The following MYT1L variants were observed in gnomAD, a reference collection of about 807,000 sequenced individuals.
The protein encoded by MYT1L is myelin transcription factor 1 like, also known as myelin transcription factor 1-like protein.
In MYT1L, 12 loss-of-function variants were observed where a neutral mutation model predicts 126.7. That is an observed-to-expected ratio of 0.09 (90% CI 0.06 to 0.15). MYT1L has a LOEUF of 0.15. MYT1L is among the 10% of genes least tolerant of loss of function. The probability of loss-of-function intolerance (pLI) is 1.00; values close to 1 mark genes in which losing one functional copy is unlikely to be tolerated. For synonymous variants in MYT1L, 541 were observed against 604.2 expected, an observed-to-expected ratio of 0.90 and a Z score of 1.53; for missense variants, 979 against 1,585.2, an observed-to-expected ratio of 0.62 and a Z score of 6.49.
intron 2 of MYT1L, among the ~76,000 whole-genome samples, chr2:2,183,958 A>T (rs770079394): frequency 6.9e-6 from 1 of 144,640 alleles, no homozygotes; most frequent in Non-Finnish European, 1.5e-5. Context: ...GAAGAAAGGG[A>T]GGGAGGGAAG....
chr2:1,836,616 G>A (rs2148347823), intron 21 of MYT1L, among the ~76,000 whole-genome samples: 1 of 149,164 alleles, frequency 6.7e-6, no homozygotes, highest in African/African-American at 2.5e-5. Context: ...GATCCCATCA[G>A]CTTGCATCAC....
intron 3 of MYT1L, among the ~76,000 whole-genome samples, chr2:2,129,243 C>T (rs987696608): frequency 6.6e-6 from 1 of 152,158 alleles, no homozygotes; most frequent in Non-Finnish European, 1.5e-5. Context: ...TCTAGTCTGT[C>T]TCCAGATAGG....
At chr2:1,905,021 C>T (rs2148975231) in intron 13 of MYT1L, among the ~76,000 whole-genome samples, 1 of 152,096 alleles carries the variant, frequency 6.6e-6, no homozygotes, top group South Asian at 2.1e-4. Flanking sequence ...TGGTCTCGAT[C>T]TCCTGACCTC....
chr2:2,014,757 C>T (rs1008651493), intron 4 of MYT1L, among the ~76,000 whole-genome samples: 8 of 152,188 alleles, frequency 5.3e-5, no homozygotes, highest in African/African-American at 1.4e-4. Context: ...AATGCTGGGG[C>T]GAGCAAGAGG....
At chr2:2,159,985 G>A (rs542881108) in intron 3 of MYT1L, among the ~76,000 whole-genome samples, 8 of 152,238 alleles carry the variant, frequency 5.3e-5, no homozygotes, top group East Asian at 1.9e-4. Context: ...GGTCTGTCAC[G>A]TAACAGCTGT....
intron 4 of MYT1L, among the ~76,000 whole-genome samples, chr2:2,027,812 T>G (rs1285328061): frequency 1.5e-5 from 2 of 133,462 alleles, no homozygotes; most frequent in Non-Finnish European, 3.2e-5. Flanking sequence ...CAGCCTGGCT[T>G]GATGTGGCGT....
intron 13 of MYT1L, 128 bp from the exon 14 acceptor site, chr2:1,903,422 C>A: frequency 1.4e-6 from 1 of 723,616 alleles, no homozygotes; most frequent in Non-Finnish European, 2.3e-6. Flanking sequence ...TGCACTAAAA[C>A]TACAACTTTT....
At chr2:1,933,122 C>T (rs1465356786) in intron 9 of MYT1L, among the ~76,000 whole-genome samples, 1 of 151,974 alleles carries the variant, frequency 6.6e-6, no homozygotes, top group Non-Finnish European at 1.5e-5. Flanking sequence ...AGTTCAAGGT[C>T]ATATGGCTAG....
At chr2:1,991,277 C>T (rs886627082) in intron 5 of MYT1L, among the ~76,000 whole-genome samples, 8 of 152,122 alleles carry the variant, frequency 5.3e-5, no homozygotes, top group Middle Eastern at 3.2e-3. Context: ...CCCCTGCCGC[C>T]GCCCCCTCTT....
chr2:1,806,636 C>G lies in MYT1L; in HGVS notation c.3172+2440G>C, dbSNP rs552753224. On this transcript the variant is annotated intron_variant, in intron 22 of 24. Coordinates refer to ENST00000647738, the MANE Select transcript of MYT1L (RefSeq NM_001303052.2). The surrounding 1 kb of genome is among the most constrained non-coding windows in gnomAD (Gnocchi z 4.9). The stretch of plus-strand genomic sequence containing the variant: ...TAGGAATGTCTAGTGCCCTCAATGC[C>G]GACTCAGGCCCACCGATGAAGAGAT... 1.1e-3 allele frequency among the ~76,000 whole-genome samples: 175 copies of G among 152,270 alleles called. 1 individual carries two copies. Among genetic ancestry groups the G allele is most frequent in the African/African-American group, 4.2e-3 (173 of 41,550 alleles).
chr2:2,037,725 C>G (rs2067027449), intron 4 of MYT1L, among the ~76,000 whole-genome samples: 1 of 151,298 alleles, frequency 6.6e-6, no homozygotes. Context: ...CACTTGCACT[C>G]CAGCCTGGGA....
intron 18 of MYT1L, among the ~76,000 whole-genome samples, chr2:1,882,940 T>C (rs2148807726): frequency 6.6e-6 from 1 of 152,316 alleles, no homozygotes; most frequent in South Asian, 2.1e-4. Context: ...GTTAAAAAGA[T>C]GTGTTAGATG....
In MYT1L at chr2:2,070,375, C is replaced by T. The variant is rs1185233676; in HGVS notation, c.-303-16252G>A. Among the ~76,000 whole-genome samples the T allele has an allele frequency of 2.0e-5, 3 of 152,330 alleles. No homozygotes were observed. The East Asian group carries it at 5.8e-4, about 29-fold the overall frequency. On this transcript the variant is annotated intron_variant, in intron 3 of 24. Transcript: ENST00000647738. ...TCTCACCCCACGTGGAGGCTCTGTG[C>T]TGTGGGGTCGCTCAGGGTGGGGGAA... is the stretch of plus-strand genomic sequence containing the variant.
intron 8 of MYT1L, among the ~76,000 whole-genome samples, chr2:1,978,636 C>A (rs1198048803): frequency 6.6e-6 from 1 of 152,176 alleles, no homozygotes; most frequent in Non-Finnish European, 1.5e-5. Flanking sequence ...GTTCCAAAGT[C>A]TTGCAAGCTT....
intron 2 of MYT1L, among the ~76,000 whole-genome samples, chr2:2,237,917 C>CT (rs1461587430): frequency 6.6e-6 from 1 of 152,170 alleles, no homozygotes; most frequent in Non-Finnish European, 1.5e-5. Flanking sequence ...CACCTTGGTA[C>CT]TTGCATAAGG....
intron 4 of MYT1L, among the ~76,000 whole-genome samples, chr2:2,043,217 T>G (rs1370085972): frequency 6.6e-6 from 1 of 152,212 alleles, no homozygotes; most frequent in East Asian, 1.9e-4. Context: ...TGAGGACTCT[T>G]GAGCCCTCAA....
At chr2:2,127,456 A>AT (rs2081862136) in intron 3 of MYT1L, among the ~76,000 whole-genome samples, 2 of 152,168 alleles carry the variant, frequency 1.3e-5, no homozygotes, top group African/African-American at 2.4e-5. Flanking sequence ...CCTAATGTTA[A>AT]TTTTGTAACT....
intron 2 of MYT1L, among the ~76,000 whole-genome samples, chr2:2,206,805 T>C (rs553061487): frequency 2.0e-5 from 3 of 152,322 alleles, no homozygotes; most frequent in South Asian, 4.2e-4. Flanking sequence ...TATAGACCAG[T>C]GTCTTTTCCA....
At chr2:1,878,633 G>A (rs975756048) in intron 18 of MYT1L, among the ~76,000 whole-genome samples, 6 of 152,148 alleles carry the variant, frequency 3.9e-5, no homozygotes, top group Non-Finnish European at 7.4e-5. Context: ...CTTAGCCACG[G>A]CAGCCTCATT....
Sources: allele counts gnomAD v4.1 joint callset (sites outside exome capture counted in the v4.1 genomes callset), GRCh38; gene constraint gnomAD v4.1.1; non-coding constraint Gnocchi (gnomAD v3.1); transcripts MANE v1.5; gene names NCBI Gene and HGNC (gene_info 2026-07-23, HGNC 2026-07-21).